The following CHCHD6 variants were observed in gnomAD, a reference collection of about 807,000 sequenced individuals.
The protein encoded by CHCHD6 is MICOS complex subunit MIC25.
A neutral mutation model predicts 32.3 loss-of-function variants in CHCHD6; 28 were observed. The ratio of observed to expected loss-of-function variants is 0.87; its 90% confidence interval spans 0.64 to 1.19. The LOEUF (loss-of-function observed/expected upper bound fraction) is 1.19. Among genes scored for constraint, CHCHD6 ranks in the 50% most tolerant of loss-of-function variants. CHCHD6 has a pLI of 0.00. For missense variants in CHCHD6, 333 were observed against 307.0 expected (o/e 1.08, Z -0.63); for synonymous variants, 122 against 117.5 (o/e 1.04, Z -0.25).
intron 4 of CHCHD6, among the ~76,000 whole-genome samples, chr3:126,758,391 T>A (rs1462895187): frequency 6.6e-6 from 1 of 152,210 alleles, no homozygotes; most frequent in African/African-American, 2.4e-5. Context: ...TTGAACTACA[T>A]CTCATTTCTC....
At chr3:126,829,898 G>A (rs1940564618) in intron 4 of CHCHD6, among the ~76,000 whole-genome samples, 1 of 152,128 alleles carries the variant, frequency 6.6e-6, no homozygotes, top group Non-Finnish European at 1.5e-5. Context: ...AGGAGTTCAA[G>A]ACCAGCCTGG....
chr3:126,804,434 C>T (rs1378132018), intron 4 of CHCHD6, among the ~76,000 whole-genome samples: 2 of 152,148 alleles, frequency 1.3e-5, no homozygotes, highest in Non-Finnish European at 2.9e-5. Flanking sequence ...ACTACAAACA[C>T]CTCTACGCAA....
chr3:126,796,860 A>G (rs550172514), intron 4 of CHCHD6, among the ~76,000 whole-genome samples: 5 of 152,162 alleles, frequency 3.3e-5, no homozygotes, highest in Non-Finnish European at 7.4e-5. Flanking sequence ...GTATCTCCGT[A>G]GTCCTCACAG....
At chr3:126,870,914 T>C (rs956042164) in intron 5 of CHCHD6, among the ~76,000 whole-genome samples, 1 of 152,356 alleles carries the variant, frequency 6.6e-6, no homozygotes, top group East Asian at 1.9e-4. Context: ...TTTGCTGAAT[T>C]GGACATTGTC....
chr3:126,915,573 A>G (rs540925414), intron 6 of CHCHD6, among the ~76,000 whole-genome samples: 1 of 152,330 alleles, frequency 6.6e-6, no homozygotes, highest in Non-Finnish European at 1.5e-5. Flanking sequence ...GCTCCCTCCC[A>G]AGAGTGAATT....
rs548764691 is a variant in CHCHD6 at position 126,720,696 on chromosome 3, C to A, written c.88-6382C>A. 9.7e-4 allele frequency among the ~76,000 whole-genome samples: 148 copies of A among 152,298 alleles called. 1 individual carries two copies. The highest frequency in any genetic ancestry group is 3.5e-3 in the African/African-American group (145 of 41,548). On this transcript the variant is annotated intron_variant, in intron 1 of 7. Transcript: ENST00000290913. ...CCTGAAGTGCTGGCTTCAGGAAGTT[C>A]TCTGAAGTGTTCCCTCTTGAGTGCT...
At chr3:126,895,228 C>T (rs1166558934) in intron 5 of CHCHD6, among the ~76,000 whole-genome samples, 3 of 152,218 alleles carry the variant, frequency 2.0e-5, no homozygotes, top group Admixed American at 6.5e-5. Context: ...CTAATTGCCT[C>T]ATTTTGCTAG....
chr3:126,771,385 A>G (rs1005606873), intron 4 of CHCHD6, among the ~76,000 whole-genome samples: 6 of 151,290 alleles, frequency 4.0e-5, no homozygotes, highest in Non-Finnish European at 8.8e-5. Flanking sequence ...TTTGTATTTT[A>G]GTATAGACGG....
At chr3:126,786,745 T>C (rs943841427) in intron 4 of CHCHD6, among the ~76,000 whole-genome samples, 3 of 152,214 alleles carry the variant, frequency 2.0e-5, no homozygotes, top group African/African-American at 7.2e-5. Context: ...GATGAGTAGA[T>C]TGCAAAAATT....
In CHCHD6 at chr3:126,741,930, T is replaced by G. The variant is rs1261213108; in HGVS notation, c.411+8708T>G. On this transcript the variant is annotated intron_variant, in intron 4 of 7. Coordinates refer to ENST00000290913, the MANE Select transcript of CHCHD6 (RefSeq NM_032343.3). ...GGTGATTCTGATCGCTTCCCCTGCT[T>G]TGTCTCCCTCTCCCTGATGCAGCTC... Among the ~76,000 whole-genome samples the G allele has an allele frequency of 2.0e-5, 3 of 152,292 alleles. No individual in the cohort carries two copies. The East Asian group carries it at 5.8e-4, about 29-fold the overall frequency.
chr3:126,918,599 A>G (rs1163410853), intron 6 of CHCHD6, among the ~76,000 whole-genome samples: 1 of 152,262 alleles, frequency 6.6e-6, no homozygotes, highest in Non-Finnish European at 1.5e-5. Flanking sequence ...GGGAAAAAGC[A>G]TTTTAAACAG....
chr3:126,712,982 C>T (rs1487741602), intron 1 of CHCHD6, among the ~76,000 whole-genome samples: 1 of 152,190 alleles, frequency 6.6e-6, no homozygotes, highest in Non-Finnish European at 1.5e-5. Context: ...ACGTTCCTCT[C>T]TTTCTCTATA....
chr3:126,900,961 G>T (rs1411376955), intron 5 of CHCHD6, among the ~76,000 whole-genome samples: 1 of 152,058 alleles, frequency 6.6e-6, no homozygotes, highest in African/African-American at 2.4e-5. Context: ...TCACCAAGGG[G>T]ATGGCACTAA....
chr3:126,899,238 G>T (rs2077885581), intron 5 of CHCHD6, among the ~76,000 whole-genome samples: 1 of 152,210 alleles, frequency 6.6e-6, no homozygotes, highest in South Asian at 2.1e-4. Flanking sequence ...AAAATGCTAA[G>T]AAACACATCA....
intron 6 of CHCHD6, among the ~76,000 whole-genome samples, chr3:126,927,829 T>C (rs1318713145): frequency 2.6e-5 from 4 of 152,254 alleles, no homozygotes; most frequent in African/African-American, 9.6e-5. Flanking sequence ...GTTAGATTTA[T>C]TTTCTTAAGT....
chr3:126,711,653 A>G (rs1040380557), intron 1 of CHCHD6, among the ~76,000 whole-genome samples: 2 of 152,214 alleles, frequency 1.3e-5, no homozygotes, highest in African/African-American at 2.4e-5. Context: ...AGATAGAGAT[A>G]TGATGTAGCA....
chr3:126,751,167 C>A (rs148224860), intron 4 of CHCHD6, among the ~76,000 whole-genome samples: 2,754 of 151,448 alleles, frequency 0.018, 47 homozygotes, highest in Non-Finnish European at 0.027. Context: ...TTCTCTGGGC[C>A]TCTGGTTGCA....
At chr3:126,762,973 C>T (rs954212580) in intron 4 of CHCHD6, among the ~76,000 whole-genome samples, 4 of 152,144 alleles carry the variant, frequency 2.6e-5, no homozygotes, top group Non-Finnish European at 2.9e-5. Flanking sequence ...TTTATGTATC[C>T]ATTCTGCCAA....
At chr3:126,783,912 A>G (rs1441860549) in intron 4 of CHCHD6, among the ~76,000 whole-genome samples, 2 of 152,150 alleles carry the variant, frequency 1.3e-5, no homozygotes, top group Non-Finnish European at 2.9e-5. Flanking sequence ...AGGAACTTGG[A>G]TCAGAAAGAG....
Sources: allele counts gnomAD v4.1 joint callset (sites outside exome capture counted in the v4.1 genomes callset), GRCh38; gene constraint gnomAD v4.1.1; transcripts MANE v1.5; gene names NCBI Gene and HGNC (gene_info 2026-07-23, HGNC 2026-07-21).